PDE4D: variants seen among roughly 807,000 people sequenced by gnomAD.
PDE4D encodes the protein phosphodiesterase 4D, also known as 3',5'-cyclic-AMP phosphodiesterase 4D.
A neutral mutation model predicts 87.4 loss-of-function variants in PDE4D; 24 were observed. That is an observed-to-expected ratio of 0.27 (90% confidence interval 0.20 to 0.39). The LOEUF is 0.39. Among genes scored for constraint, PDE4D ranks in the 10% least tolerant of loss-of-function variants. The probability of loss-of-function intolerance (pLI) is 1.00; values close to 1 mark genes in which losing one functional copy is unlikely to be tolerated. For missense variants in PDE4D, 714 were observed against 1,041.0 expected, an observed-to-expected ratio of 0.69 and a Z score of 4.32; for synonymous variants, 384 against 383.2, an observed-to-expected ratio of 1.00 and a Z score of -0.02.
intron 1 of PDE4D, among the ~76,000 whole-genome samples, chr5:59,517,218 G>C (rs1811327000): frequency 1.3e-5 from 2 of 152,178 alleles, no homozygotes; most frequent in Non-Finnish European, 2.9e-5. Context: ...AGTATAGACA[G>C]GGCATCTAAC....
Position 59,668,761 on chromosome 5 carries a change from GA to G in PDE4D, c.455+224406del, listed in dbSNP as rs1445891511. 5.5e-3 allele frequency among the ~76,000 whole-genome samples: 732 copies of G among 132,956 alleles called. 40 individuals carry two copies. The highest frequency in any genetic ancestry group is 8.4e-3 in the Non-Finnish European group (521 of 62,336). 87.2% of individuals were successfully genotyped at this position (132,956 alleles called of 152,430 possible). On this transcript the variant is annotated intron_variant, in intron 1 of 14. Transcript: ENST00000340635. ...AAAGAAGAAGAAGAAGAAGAAAGAA[GA>G]AAGAAGAAGAAGAAAGAAGAAGAAG...
At chr5:59,312,936 G>T (rs1234675587) in intron 1 of PDE4D, among the ~76,000 whole-genome samples, 1 of 152,050 alleles carries the variant, frequency 6.6e-6, no homozygotes, top group African/African-American at 2.4e-5. Flanking sequence ...TTTCCAAATG[G>T]GCCAAATGGG....
At chr5:59,403,787 G>C (rs1255235559) in intron 1 of PDE4D, among the ~76,000 whole-genome samples, 1 of 152,068 alleles carries the variant, frequency 6.6e-6, no homozygotes, top group East Asian at 1.9e-4. Flanking sequence ...CAGATATATT[G>C]ATTTCCTTTC....
chr5:59,176,950 T>C (rs1783993267), intron 5 of PDE4D, among the ~76,000 whole-genome samples: 1 of 152,146 alleles, frequency 6.6e-6, no homozygotes, highest in African/African-American at 2.4e-5. Flanking sequence ...TTTTGGCCAA[T>C]TTAAGGACCC....
intron 1 of PDE4D, among the ~76,000 whole-genome samples, chr5:59,308,540 A>G (rs1771884392): frequency 1.3e-5 from 2 of 151,904 alleles, no homozygotes; most frequent in Admixed American, 6.6e-5. Context: ...GTTTTGTTTG[A>G]GGAGGCTGAA....
At chr5:60,143,386 T>C (rs1321334632) in intron 2 of PDE4D, among the ~76,000 whole-genome samples, 2 of 152,136 alleles carry the variant, frequency 1.3e-5, no homozygotes, top group African/African-American at 2.4e-5. Context: ...TGGAAATACA[T>C]TGTTGAGAAA....
At chr5:60,076,065 T>C (rs191873624) in intron 2 of PDE4D, among the ~76,000 whole-genome samples, 1 of 152,308 alleles carries the variant, frequency 6.6e-6, no homozygotes, top group East Asian at 1.9e-4. Flanking sequence ...AGTATGATCA[T>C]TTGGAGGAAA....
At chr5:59,903,824 T>G (rs1752538092) in intron 3 of PDE4D, among the ~76,000 whole-genome samples, 1 of 152,116 alleles carries the variant, frequency 6.6e-6, no homozygotes, top group Admixed American at 6.6e-5. Flanking sequence ...CTCTGCAGTG[T>G]CCCAATACCT....
At chr5:59,912,162 T>C (rs541979534) in intron 3 of PDE4D, among the ~76,000 whole-genome samples, 4 of 152,248 alleles carry the variant, frequency 2.6e-5, no homozygotes, top group Admixed American at 2.6e-4. Flanking sequence ...AATGTTGCCG[T>C]CTAGTTATTT....
intron 1 of PDE4D, among the ~76,000 whole-genome samples, chr5:60,445,311 T>C (rs1391805623): frequency 6.6e-6 from 1 of 152,134 alleles, no homozygotes; most frequent in African/African-American, 2.4e-5. Context: ...GAGAAATCAA[T>C]GAATTATATT....
At chr5:59,787,899 A>G (rs1765346213) in intron 1 of PDE4D, among the ~76,000 whole-genome samples, 1 of 152,242 alleles carries the variant, frequency 6.6e-6, no homozygotes, top group Non-Finnish European at 1.5e-5. Flanking sequence ...GGTAAGAGAC[A>G]CATCTTAAAA....
intron 1 of PDE4D, among the ~76,000 whole-genome samples, chr5:60,242,568 G>A (rs1747249696): frequency 6.6e-6 from 1 of 152,054 alleles, no homozygotes; most frequent in Admixed American, 6.6e-5. Flanking sequence ...CTCAAGGACA[G>A]ACCACATGTT....
At chr5:59,378,232 T>A (rs997032774) in intron 1 of PDE4D, among the ~76,000 whole-genome samples, 2 of 152,160 alleles carry the variant, frequency 1.3e-5, no homozygotes, top group Non-Finnish European at 2.9e-5. Flanking sequence ...CTAATTGATG[T>A]GAACACATGG....
intron 2 of PDE4D, among the ~76,000 whole-genome samples, chr5:60,035,136 G>C (rs539877149): frequency 6.6e-6 from 1 of 151,910 alleles, no homozygotes; most frequent in Non-Finnish European, 1.5e-5. Flanking sequence ...TATGCCTGTA[G>C]TCCCAGCTAC....
intron 1 of PDE4D, among the ~76,000 whole-genome samples, chr5:60,463,955 T>G (rs944172058): frequency 6.6e-6 from 1 of 152,160 alleles, no homozygotes; most frequent in Non-Finnish European, 1.5e-5. Context: ...TTATGGACAG[T>G]CTTTAGTTTC....
chr5:59,118,059 T>G (rs1773903447), intron 5 of PDE4D, among the ~76,000 whole-genome samples: 1 of 152,188 alleles, frequency 6.6e-6, no homozygotes, highest in African/African-American at 2.4e-5. Flanking sequence ...GGCTCCATAA[T>G]AGCTAGCTAT....
intron 1 of PDE4D, among the ~76,000 whole-genome samples, chr5:59,692,828 A>T (rs999174641): frequency 1.3e-5 from 2 of 152,182 alleles, no homozygotes; most frequent in African/African-American, 4.8e-5. Context: ...GACCTTAGGC[A>T]AATGGCTTAA....
intron 1 of PDE4D, among the ~76,000 whole-genome samples, chr5:59,862,581 A>C (rs1746438198): frequency 2.0e-5 from 3 of 152,138 alleles, no homozygotes; most frequent in Non-Finnish European, 4.4e-5. Context: ...CTCAATCTCC[A>C]CGTCTGTAAA....
chr5:60,369,701 C>T (rs912514166), intron 1 of PDE4D, among the ~76,000 whole-genome samples: 2 of 152,100 alleles, frequency 1.3e-5, no homozygotes, highest in Non-Finnish European at 2.9e-5. Flanking sequence ...GGCTTGTCTG[C>T]TTCTATTCAT....
Sources: gnomAD v4.1 joint callset for allele counts (sites outside exome capture counted in the v4.1 genomes callset) on GRCh38, gnomAD v4.1.1 for gene constraint, MANE v1.5 for transcripts, NCBI Gene and HGNC (gene_info 2026-07-23, HGNC 2026-07-21) for gene names.